Variants in DENND5A observed in about 807,000 individuals in gnomAD.
DENND5A encodes DENN domain containing 5A.
A neutral mutation model predicts 140.3 loss-of-function variants in DENND5A; 64 were observed. That is an observed-to-expected ratio of 0.46 (90% confidence interval 0.37 to 0.56). DENND5A has a LOEUF of 0.56. Among genes scored for constraint, DENND5A ranks in the 20% least tolerant of loss-of-function variants. The probability of loss-of-function intolerance (pLI) is 0.00; values close to 1 mark genes in which losing one functional copy is unlikely to be tolerated. For missense variants in DENND5A, 1,292 were observed against 1,593.8 expected (o/e 0.81, Z 3.22); for synonymous variants, 605 against 607.7 (o/e 1.00, Z 0.07).
intron 1 of DENND5A, among the ~76,000 whole-genome samples, chr11:9,234,321 C>A (rs541267190): frequency 5.1e-4 from 78 of 151,890 alleles, no homozygotes; most frequent in Non-Finnish European, 7.8e-4. Flanking sequence ...GATCCCCCCC[C>A]CAAAAAAATG....
chr11:9,153,419 G>C (rs1170732300), intron 12 of DENND5A, among the ~76,000 whole-genome samples: 2 of 150,288 alleles, frequency 1.3e-5, no homozygotes, highest in Non-Finnish European at 3.0e-5. Context: ...TTTTATGTCA[G>C]CTTGATGGCT....
intron 11 of DENND5A, among the ~76,000 whole-genome samples, chr11:9,164,737 T>G (rs1848128313): frequency 6.6e-6 from 1 of 152,202 alleles, no homozygotes; most frequent in Admixed American, 6.5e-5. Context: ...TAAGATATCA[T>G]TGCTATCAGA....
At chr11:9,148,662 G>A (rs1473183952) in intron 15 of DENND5A, among the ~76,000 whole-genome samples, 1 of 152,114 alleles carries the variant, frequency 6.6e-6, no homozygotes, top group African/African-American at 2.4e-5. Flanking sequence ...AAGAAGTGGG[G>A]GTAAGCTTTT....
Position 9,142,082 on chromosome 11 carries a change from A to G in DENND5A, c.3538T>C (p.Leu1180=). 1 of 1,601,700 alleles carries G rather than the reference A, an allele frequency of 6.2e-7. No individual in the cohort carries two copies. Among genetic ancestry groups the G allele is most frequent in the Non-Finnish European group, 8.5e-7 (1 of 1,174,080 alleles). Residue 1180 remains leucine, a synonymous_variant, in exon 22 of 23, where the codon TTA becomes CTA. Transcript: ENST00000328194. ...TCAGGGACTACTTCATTCTTCTCTA[A>G]TGTCTCATAATAGGTTTGTGCTTTT... The part of the protein sequence containing the change: ...LEKAQTYYET[L]EKNEVVPEEN...
chr11:9,141,104 C>A (rs1001560786), intron 22 of DENND5A, among the ~76,000 whole-genome samples: 4 of 151,940 alleles, frequency 2.6e-5, no homozygotes, highest in African/African-American at 7.3e-5. Flanking sequence ...CCAGCCTGGG[C>A]AACAAGAGCG....
intron 1 of DENND5A, among the ~76,000 whole-genome samples, chr11:9,253,486 GGCATGGTGGTTCATGTCTATAATCCCA>G (rs1052589965): frequency 6.6e-6 from 1 of 152,140 alleles, no homozygotes; most frequent in African/African-American, 2.4e-5. Context: ...GTCTCAGCCA[GGCATGGTGGTTCATGTCTATAATCCCA>G]GCACTTTGGG....
At chr11:9,150,608 C>G in intron 14 of DENND5A, 72 bp downstream of exon 14, 1 of 1,074,830 alleles carries the variant, frequency 9.3e-7, no homozygotes, top group East Asian at 2.4e-5. Context: ...GACCTTGTTA[C>G]TAAAAGTGGA....
At chr11:9,225,921 C>T (rs769275659) in intron 1 of DENND5A, among the ~76,000 whole-genome samples, 13 of 152,152 alleles carry the variant, frequency 8.5e-5, no homozygotes, top group Non-Finnish European at 1.3e-4. Context: ...CCTATCTCTA[C>T]AACAAATAAA....
At chr11:9,260,558 A>C (rs1223374200) in intron 1 of DENND5A, among the ~76,000 whole-genome samples, 2 of 152,174 alleles carry the variant, frequency 1.3e-5, no homozygotes, top group Non-Finnish European at 2.9e-5. Context: ...CAAGTTCAAA[A>C]AGCCAACAAG....
rs1847392942 is a variant in DENND5A at position 9,145,353 on chromosome 11, AAGTGGGTTCTG to A, written c.3004-251_3004-241del. The A allele has an allele frequency of 8.5e-6, 5 of 586,350 alleles. No individual in the cohort carries two copies. The South Asian group carries it at 1.1e-4, about 13-fold the overall frequency. 36.3% of individuals were successfully genotyped at this position (586,350 alleles called of 1,614,324 possible). On this transcript the variant is annotated intron_variant, in intron 17 of 22. Transcript: ENST00000328194. Reference sequence around the variant, plus strand: ...AGGGTCAGGGAGCAAGAGATTCTGGAAGTGGGTTCTGAGGTCTCTGGGAACAGGTGGGCTGA... The same window carrying A: ...AGGGTCAGGGAGCAAGAGATTCTGGAAGGTCTCTGGGAACAGGTGGGCTGA...
At chr11:9,214,747 G>A (rs972809023) in intron 1 of DENND5A, among the ~76,000 whole-genome samples, 7 of 152,004 alleles carry the variant, frequency 4.6e-5, no homozygotes, top group African/African-American at 9.7e-5. Flanking sequence ...TTTTTGAGAC[G>A]GAGTCTCGCT....
Position 9,143,385 on chromosome 11 carries a change from G to T in DENND5A, c.3387+18C>A, listed in dbSNP as rs1200974179. On this transcript the variant is annotated intron_variant, in intron 20 of 22. Coordinates refer to ENST00000328194, the MANE Select transcript of DENND5A (RefSeq NM_015213.4). ...TTATTCAATGTAAGGCCCTGGATTGGAGGGCAGGAAGGCTCACCTCTTTCT... is the reference window on the plus strand; with the variant it reads ...TTATTCAATGTAAGGCCCTGGATTGTAGGGCAGGAAGGCTCACCTCTTTCT... The T allele has an allele frequency of 2.5e-6, 4 of 1,603,990 alleles. No individual in the cohort carries two copies. In the African/African-American group the frequency reaches 5.4e-5, roughly 21 times the overall value.
At chr11:9,233,929 G>T (rs1850884881) in intron 1 of DENND5A, among the ~76,000 whole-genome samples, 1 of 152,152 alleles carries the variant, frequency 6.6e-6, no homozygotes, top group Admixed American at 6.6e-5. Context: ...TGTAATCCCA[G>T]CACTTTGGGA....
At chr11:9,142,450 G>C (rs961619890) in intron 21 of DENND5A, among the ~76,000 whole-genome samples, 1 of 152,170 alleles carries the variant, frequency 6.6e-6, no homozygotes, top group African/African-American at 2.4e-5. Context: ...ATCTATAAGG[G>C]GAAAGTGTGA....
intron 20 of DENND5A, 89 bp from the exon 21 acceptor site, chr11:9,142,934 G>A: frequency 1.3e-6 from 2 of 1,535,540 alleles, no homozygotes; most frequent in Non-Finnish European, 1.8e-6. Flanking sequence ...GCCCAGAGTT[G>A]GGAGGGCTGC....
chr11:9,173,830 T>C (rs1364960527), intron 8 of DENND5A, among the ~76,000 whole-genome samples: 2 of 151,374 alleles, frequency 1.3e-5, no homozygotes, highest in Admixed American at 6.6e-5. Flanking sequence ...AAAGGCCGGG[T>C]GCAGTGGCTC....
chr11:9,166,254 A>G (rs2136150144), intron 10 of DENND5A, among the ~76,000 whole-genome samples: 1 of 151,324 alleles, frequency 6.6e-6, no homozygotes, highest in Non-Finnish European at 1.5e-5. Context: ...AATTTTTTGT[A>G]TTTTAGTAGA....
At chr11:9,180,734 C>A in intron 6 of DENND5A, 33 bp downstream of exon 6, 1 of 1,594,592 alleles carries the variant, frequency 6.3e-7, no homozygotes, top group Middle Eastern at 1.7e-4. Flanking sequence ...TAGCACAGAT[C>A]ACACGTGTCA....
At position 9,146,736 on chromosome 11, in the gene DENND5A, A is replaced by G. The variant is rs147705149; in HGVS notation, c.2857+294T>C. 1.3e-3 allele frequency: 341 copies of G among 264,122 alleles called. 6 individuals are homozygous for G. The East Asian group carries it at 0.023, about 18-fold the overall frequency. 16.4% of individuals were successfully genotyped at this position (264,122 alleles called of 1,614,324 possible). On this transcript the variant is annotated intron_variant, in intron 16 of 22. Coordinates refer to ENST00000328194, the MANE Select transcript of DENND5A (RefSeq NM_015213.4). ...GAGGGAGGTAAACTGCATCAGCTCA[A>G]CTGACTCCACTCCACCTTCATCAGC... is the stretch of plus-strand genomic sequence containing the variant.
Sources: gnomAD v4.1 joint callset for allele counts (sites outside exome capture counted in the v4.1 genomes callset) on GRCh38, gnomAD v4.1.1 for gene constraint, MANE v1.5 for transcripts, NCBI Gene and HGNC (gene_info 2026-07-23, HGNC 2026-07-21) for gene names.